Variants in ITPR1 observed in about 807,000 individuals in gnomAD.
The protein encoded by ITPR1 is inositol 1,4,5-trisphosphate-gated calcium channel ITPR1.
ITPR1 carries 96 observed loss-of-function variants against 318.4 expected under a neutral mutation model. The observed-to-expected ratio is 0.30, with a 90% CI of 0.26 to 0.36. The LOEUF (loss-of-function observed/expected upper bound fraction) is 0.36, where lower values mean the gene tolerates loss of function less well. ITPR1 is among the 10% of genes least tolerant of loss of function. The pLI, the probability that ITPR1 is intolerant of heterozygous loss-of-function variation, is 1.00. For synonymous variants in ITPR1, 1,312 were observed against 1,289.9 expected, an observed-to-expected ratio of 1.02 and a Z score of -0.37; for missense variants, 2,440 against 3,460.2, an observed-to-expected ratio of 0.71 and a Z score of 7.40.
At chr3:4,614,353 C>T (rs2092298547) in intron 4 of ITPR1, among the ~76,000 whole-genome samples, 2 of 152,324 alleles carry the variant, frequency 1.3e-5, no homozygotes, top group South Asian at 4.1e-4. Flanking sequence ...TCCAGCGTTG[C>T]AGTGTAACGT....
At chr3:4,824,325 G>A (rs1386411822) in intron 60 of ITPR1, among the ~76,000 whole-genome samples, 1 of 152,156 alleles carries the variant, frequency 6.6e-6, no homozygotes, top group African/African-American at 2.4e-5. Context: ...ATCACAGCAT[G>A]GTAGGTGGTA....
chr3:4,642,332 G>A (rs965307077), intron 7 of ITPR1, 81 bp downstream of exon 7: 6 of 1,134,076 alleles, frequency 5.3e-6, no homozygotes, highest in African/African-American at 1.6e-5. Context: ...AGGAGGAGAC[G>A]TTGAAAGTTG....
intron 4 of ITPR1, among the ~76,000 whole-genome samples, chr3:4,557,423 G>T (rs2086238195): frequency 6.6e-6 from 1 of 152,152 alleles, no homozygotes; most frequent in African/African-American, 2.4e-5. Flanking sequence ...AGTTATGGGA[G>T]CTACAATTCA....
At chr3:4,825,707 C>T (rs548817911) in intron 60 of ITPR1, 1 of 456,572 alleles carries the variant, frequency 2.2e-6, no homozygotes, top group Non-Finnish European at 4.4e-6. Context: ...CTGCGTGTCA[C>T]TACCTTCTGT....
chr3:4,743,892 T>C (rs966202572), intron 44 of ITPR1, among the ~76,000 whole-genome samples: 11 of 152,258 alleles, frequency 7.2e-5, no homozygotes, highest in African/African-American at 2.7e-4. Flanking sequence ...TGGAGTGCAG[T>C]GGCGCGATCT....
At chr3:4,732,926 G>C (rs1158775359) in intron 42 of ITPR1, among the ~76,000 whole-genome samples, 162 bp from the exon 43 acceptor site, 2 of 152,194 alleles carry the variant, frequency 1.3e-5, no homozygotes, top group African/African-American at 4.8e-5. Flanking sequence ...AGAAAATATT[G>C]AAGTTAACTT....
intron 42 of ITPR1, among the ~76,000 whole-genome samples, chr3:4,729,513 G>A (rs2042751954): frequency 1.3e-5 from 2 of 152,176 alleles, no homozygotes; most frequent in South Asian, 2.1e-4. Flanking sequence ...TTTTTAAGTG[G>A]CTGGAACCTG....
At chr3:4,806,377 C>A (rs2048554296) in intron 55 of ITPR1, 110 bp downstream of exon 55, 7 of 1,075,164 alleles carry the variant, frequency 6.5e-6, no homozygotes, top group African/African-American at 1.6e-5. Context: ...TGTGCCTGGT[C>A]CACCAAGATT....
intron 20 of ITPR1, among the ~76,000 whole-genome samples, chr3:4,672,412 A>T (rs1287096327): frequency 6.6e-6 from 1 of 152,256 alleles, no homozygotes; most frequent in Non-Finnish European, 1.5e-5. Flanking sequence ...TCTTCAAATC[A>T]TGATTATTAG....
At chr3:4,573,255 T>C (rs2088229490) in intron 4 of ITPR1, among the ~76,000 whole-genome samples, 1 of 152,156 alleles carries the variant, frequency 6.6e-6, no homozygotes, top group Non-Finnish European at 1.5e-5. Context: ...CCTTGGAGTC[T>C]TTTTTTGGCT....
intron 40 of ITPR1, among the ~76,000 whole-genome samples, chr3:4,725,080 A>G (rs1239300920): frequency 1.3e-5 from 2 of 151,974 alleles, no homozygotes; most frequent in African/African-American, 2.4e-5. Context: ...GAGAAAGCCT[A>G]AACCCACAGG....
intron 37 of ITPR1, among the ~76,000 whole-genome samples, chr3:4,709,798 T>G (rs1398908015): frequency 4.6e-5 from 7 of 152,250 alleles, no homozygotes; most frequent in Non-Finnish European, 7.3e-5. Flanking sequence ...ATGACTTTAT[T>G]ATGTGAATAA....
intron 4 of ITPR1, among the ~76,000 whole-genome samples, chr3:4,539,796 C>T (rs549064447): frequency 2.0e-5 from 3 of 152,210 alleles, no homozygotes; most frequent in East Asian, 1.9e-4. Context: ...TCAGCCCCAT[C>T]GCCATGGGAT....
intron 60 of ITPR1, among the ~76,000 whole-genome samples, chr3:4,827,950 G>T (rs1361970606): frequency 6.6e-6 from 1 of 152,016 alleles, no homozygotes; most frequent in African/African-American, 2.4e-5. Context: ...AAGTCCTGTA[G>T]ATGGCGAGAC....
At chr3:4,718,499 G>A (rs1364802837) in intron 40 of ITPR1, among the ~76,000 whole-genome samples, 1 of 152,216 alleles carries the variant, frequency 6.6e-6, no homozygotes, top group African/African-American at 2.4e-5. Context: ...GAAACAGAAA[G>A]CAGCATGAGT....
chr3:4,813,031 A>C (rs1463836709), intron 56 of ITPR1, 111 bp from the exon 57 acceptor site: 4 of 795,012 alleles, frequency 5.0e-6, no homozygotes, highest in Non-Finnish European at 8.9e-6. Flanking sequence ...GCAAGATTCT[A>C]GGGTGTTATT....
At chr3:4,619,535 C>G (rs1024309762) in intron 4 of ITPR1, among the ~76,000 whole-genome samples, 1 of 147,418 alleles carries the variant, frequency 6.8e-6, no homozygotes, top group Non-Finnish European at 1.5e-5. Flanking sequence ...CAACTTCCAT[C>G]CCCTTCTGCC....
Position 4,782,698 on chromosome 3 carries a change from C to G in ITPR1, c.6467C>G (p.Ser2156Cys). ...DGENGEDGAA[S>C]PRNVGHNIYI... ...GAAAACGGTGAGGATGGGGCGGCGT[C>G]CCCCAGGAACGTGGGGCACAACATC... The change falls in exon 50 of 62, where the codon TCC becomes TGC. Residue 2156 changes from serine (S) to cysteine (C), a missense_variant. Coordinates refer to ENST00000649015, the MANE Select transcript of ITPR1 (RefSeq NM_001378452.1). The G allele has an allele frequency of 6.3e-7, 1 of 1,593,862 alleles. No homozygotes were observed. The highest frequency in any genetic ancestry group is 2.3e-5 in the East Asian group (1 of 43,396).
At chr3:4,650,853 C>G (rs1470224503) in intron 10 of ITPR1, among the ~76,000 whole-genome samples, 1 of 152,104 alleles carries the variant, frequency 6.6e-6, no homozygotes, top group Non-Finnish European at 1.5e-5. Context: ...TTTTCTGATT[C>G]TTTGTCTAGT....
Sources: allele counts gnomAD v4.1 joint callset (sites outside exome capture counted in the v4.1 genomes callset), GRCh38; gene constraint gnomAD v4.1.1; transcripts MANE v1.5; gene names NCBI Gene and HGNC (gene_info 2026-07-23, HGNC 2026-07-21).